RBFOX3: variants seen among roughly 807,000 people sequenced by gnomAD.
RBFOX3 encodes RNA binding fox-1 homolog 3.
Under a neutral mutation model 48.7 loss-of-function variants are expected in RBFOX3, and 17 were observed. The ratio of observed to expected loss-of-function variants is 0.35; its 90% CI spans 0.24 to 0.52. The LOEUF (loss-of-function observed/expected upper bound fraction) is 0.52, where lower values mean the gene tolerates loss of function less well. Among genes scored for constraint, RBFOX3 ranks in the 20% least tolerant of loss-of-function variants. RBFOX3 has a pLI of 0.94. For synonymous variants in RBFOX3, 212 were observed against 209.5 expected, an observed-to-expected ratio of 1.01 and a Z score of -0.10; for missense variants, 382 against 497.5, an observed-to-expected ratio of 0.77 and a Z score of 2.21.
At chr17:79,134,078 G>A (rs1406428942) in intron 4 of RBFOX3, among the ~76,000 whole-genome samples, 3 of 152,196 alleles carry the variant, frequency 2.0e-5, no homozygotes, top group African/African-American at 4.8e-5. Flanking sequence ...TGGAGACGGC[G>A]GGAAGGCAGG....
chr17:79,633,626 G>A, the RBFOX3 span, among the ~76,000 whole-genome samples: 1 of 151,982 alleles, frequency 6.6e-6, no homozygotes, highest in Non-Finnish European at 1.5e-5. Flanking sequence ...AACGGATTCT[G>A]TGTGCTCCAC....
intron 2 of RBFOX3, among the ~76,000 whole-genome samples, chr17:79,468,456 A>G (rs2076596895): frequency 6.6e-6 from 1 of 152,140 alleles, no homozygotes; most frequent in African/African-American, 2.4e-5. Context: ...CAGACAATAG[A>G]TCAACAAATG....
intron 3 of RBFOX3, among the ~76,000 whole-genome samples, chr17:79,269,912 C>T (rs1389396034): frequency 6.6e-6 from 1 of 152,228 alleles, no homozygotes; most frequent in East Asian, 1.9e-4. Flanking sequence ...TATCCACCTG[C>T]CCACACTGCC....
At chr17:79,581,258 A>G (rs1245824801) in intron 1 of RBFOX3, among the ~76,000 whole-genome samples, 5 of 151,890 alleles carry the variant, frequency 3.3e-5, no homozygotes, top group Non-Finnish European at 7.4e-5. Context: ...AAAACAAAAC[A>G]AAACAAACAA....
At position 79,242,528 on chromosome 17, in the gene RBFOX3, C is replaced by T. The variant is rs2062542474; in HGVS notation, c.-73-6723G>A. ...CTCCTTCTTCTGAATAGAAATTTGC[C>T]TTTAGAGAGGAAAGGAGGGGAGAGA... On this transcript the variant is annotated intron_variant, in intron 3 of 14. Coordinates refer to ENST00000693108, the MANE Select transcript of RBFOX3 (RefSeq NM_001350451.2). This position sits in a 1 kb window ranked among gnomAD's most constrained non-coding sequence, Gnocchi z 5.8. 1.3e-5 allele frequency among the ~76,000 whole-genome samples: 2 copies of T among 151,422 alleles called. No homozygotes were observed. The highest frequency in any genetic ancestry group is 4.9e-5 in the African/African-American group (2 of 41,102).
chr17:79,241,346 C>T (rs928575977), intron 3 of RBFOX3, among the ~76,000 whole-genome samples: 8 of 152,106 alleles, frequency 5.3e-5, no homozygotes, highest in Non-Finnish European at 8.8e-5. Flanking sequence ...CTCTGCGTAA[C>T]ACCATCCTGC....
chr17:79,655,003 G>A, the RBFOX3 span, among the ~76,000 whole-genome samples: 9 of 152,164 alleles, frequency 5.9e-5, no homozygotes, highest in Admixed American at 2.6e-4. Flanking sequence ...GTTCCAAAGC[G>A]ACTGGACCAT....
At chr17:79,465,717 T>C (rs2076223301) in intron 2 of RBFOX3, among the ~76,000 whole-genome samples, 1 of 152,216 alleles carries the variant, frequency 6.6e-6, no homozygotes, top group South Asian at 2.1e-4. Context: ...GGGCCTGCCC[T>C]GGACCCACAG....
At chr17:79,395,624 C>T (rs1376277704) in intron 2 of RBFOX3, among the ~76,000 whole-genome samples, 1 of 152,216 alleles carries the variant, frequency 6.6e-6, no homozygotes, top group Non-Finnish European at 1.5e-5. Flanking sequence ...GTGTGCCGGG[C>T]ACTGATCCAG....
intron 2 of RBFOX3, among the ~76,000 whole-genome samples, chr17:79,467,586 C>T (rs112950199): frequency 9.5e-4 from 145 of 152,244 alleles, no homozygotes; most frequent in African/African-American, 3.2e-3. Flanking sequence ...AGAGGCTTAC[C>T]GCCACCAGCA....
intron 2 of RBFOX3, among the ~76,000 whole-genome samples, chr17:79,334,342 A>G (rs953880501): frequency 1.3e-5 from 2 of 152,174 alleles, no homozygotes; most frequent in Non-Finnish European, 2.9e-5. Context: ...CATCCAGACA[A>G]CAAAGTGGAA....
At position 79,199,249 on chromosome 17, in the gene RBFOX3, C is replaced by T. The variant is rs1293551010; in HGVS notation, c.-34+36517G>A. ...CTTTCGAAAAGACCTCCCTAGCCCC[C>T]CACCCTCGGCAGCACCACCCACCAG... On this transcript the variant is annotated intron_variant, in intron 4 of 14. Coordinates refer to ENST00000693108, the MANE Select transcript of RBFOX3 (RefSeq NM_001350451.2). The surrounding 1 kb of genome is among the most constrained non-coding windows in gnomAD (Gnocchi z 5.1). Among the ~76,000 whole-genome samples the T allele has an allele frequency of 2.0e-5, 3 of 152,148 alleles. No homozygotes were observed. The highest frequency in any genetic ancestry group is 2.4e-5 in the African/African-American group (1 of 41,438).
intron 3 of RBFOX3, among the ~76,000 whole-genome samples, chr17:79,247,270 G>A (rs538204226): frequency 6.6e-5 from 10 of 151,260 alleles, no homozygotes; most frequent in African/African-American, 2.2e-4. Context: ...GGCTGGCTTC[G>A]GTAATGCCAC....
At chr17:79,464,948 A>G (rs1555752600) in intron 2 of RBFOX3, among the ~76,000 whole-genome samples, 1 of 152,244 alleles carries the variant, frequency 6.6e-6, no homozygotes, top group African/African-American at 2.4e-5. Context: ...AGGCTCGGCA[A>G]GTTAGCAAGT....
At chr17:79,648,996 T>G in the RBFOX3 span, among the ~76,000 whole-genome samples, 1 of 133,338 alleles carries the variant, frequency 7.5e-6, no homozygotes, top group African/African-American at 3.0e-5. Flanking sequence ...TTTTTTTTTT[T>G]GAAACATAGT....
At chr17:79,661,822 C>G in the RBFOX3 span, among the ~76,000 whole-genome samples, 1 of 152,212 alleles carries the variant, frequency 6.6e-6, no homozygotes, top group Non-Finnish European at 1.5e-5. Flanking sequence ...TCTGGTTCTA[C>G]CTGATGACTA....
intron 4 of RBFOX3, among the ~76,000 whole-genome samples, chr17:79,174,881 G>C (rs961453771): frequency 6.6e-6 from 1 of 152,244 alleles, no homozygotes; most frequent in African/African-American, 2.4e-5. Context: ...TCCCCTTGCA[G>C]GGTACAGCCA....
intron 1 of RBFOX3, among the ~76,000 whole-genome samples, chr17:79,522,192 C>A (rs2086203137): frequency 6.6e-6 from 1 of 152,230 alleles, no homozygotes; most frequent in African/African-American, 2.4e-5. Context: ...CAAGTCTCCA[C>A]CTTTGAGGAG....
intron 3 of RBFOX3, among the ~76,000 whole-genome samples, chr17:79,271,851 ACAGGAGTTCCCCGGGGGCTCCC>A (rs1226312181): frequency 6.6e-6 from 1 of 152,370 alleles, no homozygotes; most frequent in East Asian, 1.9e-4. Flanking sequence ...ACCTAGAGGC[ACAGGAGTTCCCCGGGGGCTCCC>A]CATGGCTCCA....
Sources: gnomAD v4.1 joint callset for allele counts (sites outside exome capture counted in the v4.1 genomes callset) on GRCh38, gnomAD v4.1.1 for gene constraint, Gnocchi (gnomAD v3.1) non-coding constraint, MANE v1.5 for transcripts, NCBI Gene and HGNC (gene_info 2026-07-23, HGNC 2026-07-21) for gene names.